MYLK: variants seen among roughly 807,000 people sequenced by gnomAD.
MYLK encodes myosin light chain kinase, smooth muscle.
In MYLK, 106 loss-of-function variants were observed where a neutral mutation model predicts 203.4. The ratio of observed to expected loss-of-function variants is 0.52; its 90% CI spans 0.45 to 0.61. The LOEUF is 0.61. MYLK is among the 20% of genes least tolerant of loss of function. The probability of loss-of-function intolerance (pLI) is 0.00; values close to 1 mark genes in which losing one functional copy is unlikely to be tolerated. For synonymous variants in MYLK, 867 were observed against 959.5 expected (o/e 0.90, Z 1.78); for missense variants, 2,072 against 2,442.3 (o/e 0.85, Z 3.20).
intron 4 of MYLK, among the ~76,000 whole-genome samples, chr3:123,768,936 G>T (rs1271537478): frequency 6.6e-6 from 1 of 152,156 alleles, no homozygotes; most frequent in Non-Finnish European, 1.5e-5. Flanking sequence ...CACTTGCTCT[G>T]CCTCTAGAGA....
intron 20 of MYLK, among the ~76,000 whole-genome samples, chr3:123,672,307 G>C (rs973788724): frequency 6.6e-6 from 1 of 151,998 alleles, no homozygotes; most frequent in Non-Finnish European, 1.5e-5. Context: ...TGCACACACA[G>C]AGAAAAGAAC....
chr3:123,739,934 T>C lies in MYLK; in HGVS notation c.422+19A>G, dbSNP rs765623475. The C allele has an allele frequency of 1.2e-6, 2 of 1,613,744 alleles. No individual in the cohort carries two copies. Among genetic ancestry groups the C allele is most frequent in the East Asian group, 2.2e-5 (1 of 44,874 alleles). ...AAAGCAATCCAACCCTTACTCTGTC[T>C]TGAACATCCAGGACTTACCCTAAGG... On this transcript the variant is annotated intron_variant, in intron 6 of 33. Coordinates refer to ENST00000360304, the MANE Select transcript of MYLK (RefSeq NM_053025.4).
At chr3:123,820,656 T>TTCCTTCCC (rs2065901383) in intron 3 of MYLK, among the ~76,000 whole-genome samples, 1 of 136,572 alleles carries the variant, frequency 7.3e-6, no homozygotes, top group African/African-American at 2.6e-5. Context: ...CCTTCCTTCC[T>TTCCTTCCC]TCCTTCCCTC....
chr3:123,755,703 C>A (rs9823444), intron 4 of MYLK, among the ~76,000 whole-genome samples: 1 of 152,032 alleles, frequency 6.6e-6, no homozygotes, highest in Non-Finnish European at 1.5e-5. Context: ...GCCCTGCCCT[C>A]CCAGGTTGCC....
intron 4 of MYLK, among the ~76,000 whole-genome samples, chr3:123,756,990 C>A (rs927960455): frequency 1.3e-5 from 2 of 152,132 alleles, no homozygotes; most frequent in African/African-American, 2.4e-5. Flanking sequence ...CCTCAAAAGG[C>A]CTTTAAAAGG....
In MYLK at chr3:123,857,232, A is replaced by G. The variant is rs560682858; in HGVS notation, c.-127+19327T>C. 5.7e-3 allele frequency among the ~76,000 whole-genome samples: 874 copies of G among 152,110 alleles called. 8 individuals are homozygous for G. The highest frequency in any genetic ancestry group is 0.018 in the African/African-American group (731 of 41,362). On this transcript the variant is annotated intron_variant, in intron 2 of 33. Transcript: ENST00000360304. The stretch of plus-strand genomic sequence containing the variant: ...AACTAGTTCAACCATTGTGGAAGTC[A>G]GTGTGGCGATTCCTCAAGGATCTAG...
intron 2 of MYLK, among the ~76,000 whole-genome samples, chr3:123,866,860 C>T (rs1000745922): frequency 1.2e-4 from 19 of 152,268 alleles, no homozygotes; most frequent in Non-Finnish European, 2.4e-4. Context: ...TGCAGTCCCT[C>T]CCTCCTCACC....
intron 2 of MYLK, among the ~76,000 whole-genome samples, chr3:123,857,914 C>T (rs747351906): frequency 2.6e-5 from 4 of 152,172 alleles, no homozygotes; most frequent in Non-Finnish European, 5.9e-5. Context: ...GGGCCTGTCA[C>T]CCTGGCCTGT....
intron 22 of MYLK, among the ~76,000 whole-genome samples, chr3:123,665,046 G>A (rs760301666): frequency 1.3e-4 from 20 of 152,204 alleles, no homozygotes; most frequent in Non-Finnish European, 7.3e-5. Context: ...AGATAATGGT[G>A]ATGCTTGCAC....
At chr3:123,833,291 A>T (rs2682211) in intron 2 of MYLK, among the ~76,000 whole-genome samples, 128,070 of 152,134 alleles carry the variant, frequency 0.84, 54,126 homozygotes, top group East Asian at 0.96. Context: ...CCAGCAGGAC[A>T]TCTCTTGACC....
intron 27 of MYLK, among the ~76,000 whole-genome samples, chr3:123,646,226 A>G (rs1408024760): frequency 8.5e-5 from 13 of 152,180 alleles, no homozygotes; most frequent in Non-Finnish European, 1.8e-4. Context: ...ATAAGAATAT[A>G]TATATGTGTG....
At chr3:123,802,008 C>A (rs1287241428) in intron 3 of MYLK, among the ~76,000 whole-genome samples, 1 of 152,190 alleles carries the variant, frequency 6.6e-6, no homozygotes, top group East Asian at 1.9e-4. Flanking sequence ...CTCCAAACTG[C>A]CCCAGTGGCT....
intron 3 of MYLK, among the ~76,000 whole-genome samples, chr3:123,824,633 A>G (rs752978323): frequency 3.9e-5 from 6 of 152,146 alleles, no homozygotes; most frequent in Non-Finnish European, 5.9e-5. Context: ...TACACTATTG[A>G]TCAAGGTCCT....
intron 4 of MYLK, among the ~76,000 whole-genome samples, chr3:123,792,088 C>G (rs7639329): frequency 0.072 from 10,976 of 152,264 alleles, 682 homozygotes; most frequent in African/African-American, 0.17. Context: ...TCAGCAGATG[C>G]AAGTTCCAAA....
intron 2 of MYLK, among the ~76,000 whole-genome samples, chr3:123,844,828 T>C (rs921805721): frequency 2.7e-4 from 2 of 7,330 alleles, no homozygotes; most frequent in Non-Finnish European, 4.7e-4. Flanking sequence ...AGTTGTTTTT[T>C]TTTTTTTTTT....
intron 3 of MYLK, among the ~76,000 whole-genome samples, chr3:123,803,393 G>C (rs115134675): frequency 6.6e-6 from 1 of 152,188 alleles, no homozygotes; most frequent in Non-Finnish European, 1.5e-5. Context: ...GGAGAAATCC[G>C]GATGGCACTG....
At chr3:123,749,384 T>C (rs2063128040) in intron 5 of MYLK, among the ~76,000 whole-genome samples, 1 of 152,144 alleles carries the variant, frequency 6.6e-6, no homozygotes, top group South Asian at 2.1e-4. Flanking sequence ...GTACCACGTC[T>C]CTTCCTTGCT....
At chr3:123,662,142 G>A (rs903407862) in intron 23 of MYLK, among the ~76,000 whole-genome samples, 2 of 152,158 alleles carry the variant, frequency 1.3e-5, no homozygotes, top group African/African-American at 4.8e-5. Flanking sequence ...TCCCCAAAAG[G>A]CTTGCATGTC....
At chr3:123,772,817 A>C (rs889868916) in intron 4 of MYLK, among the ~76,000 whole-genome samples, 1 of 152,038 alleles carries the variant, frequency 6.6e-6, no homozygotes, top group African/African-American at 2.4e-5. Flanking sequence ...CATTTAAAAA[A>C]CGTGTTAATA....
Sources: gnomAD v4.1 joint callset for allele counts (sites outside exome capture counted in the v4.1 genomes callset) on GRCh38, gnomAD v4.1.1 for gene constraint, MANE v1.5 for transcripts, NCBI Gene and HGNC (gene_info 2026-07-23, HGNC 2026-07-21) for gene names.